The following ADARB1 variants were observed in gnomAD, a reference collection of about 807,000 sequenced individuals.
ADARB1 encodes the protein double-stranded RNA-specific editase 1.
ADARB1 carries 10 observed loss-of-function variants against 52.4 expected under a neutral mutation model. That is an observed-to-expected ratio of 0.19 (90% CI 0.12 to 0.32). ADARB1 has a LOEUF of 0.32. Ranked by LOEUF, ADARB1 falls within the 10% of genes least tolerant of loss-of-function variation. ADARB1 has a pLI of 1.00. For missense variants in ADARB1, 643 were observed against 922.3 expected (o/e 0.70, Z 3.92); for synonymous variants, 349 against 371.1 (o/e 0.94, Z 0.68).
intron 2 of ADARB1, chr21:45,145,598 C>T (rs2089967290): frequency 6.6e-6 from 1 of 152,230 alleles, no homozygotes; most frequent in Non-Finnish European, 1.5e-5. Flanking sequence ...AATGCCAAAG[C>T]ATTAGGAATA....
chr21:45,225,635 C>A lies in ADARB1; in HGVS notation c.*3438C>A. On this transcript the variant is annotated 3_prime_UTR_variant, in exon 11 of 11. Coordinates refer to ENST00000348831, the MANE Select transcript of ADARB1 (RefSeq NM_001112.4). ...AAGCTGTGGAGACTGCACATCCGGA[C>A]CTGCCCATGTCTCAAAACAAACACA... 1.7e-6 allele frequency: 2 copies of A among 1,200,894 alleles called. No individual in the cohort carries two copies. Among genetic ancestry groups the A allele is most frequent in the Non-Finnish European group, 2.2e-6 (2 of 919,754 alleles). The allele number at this position is 1,200,894 out of a possible 1,614,324, so 74.4% of individuals were successfully genotyped here.
intron 2 of ADARB1, among the ~76,000 whole-genome samples, chr21:45,143,022 C>G (rs1387728136): frequency 6.6e-6 from 1 of 152,222 alleles, no homozygotes; most frequent in African/African-American, 2.4e-5. Flanking sequence ...CAGCCTGCTG[C>G]TCTGAAACCT....
At chr21:45,085,361 T>G (rs1267721952) in intron 1 of ADARB1, among the ~76,000 whole-genome samples, 1 of 152,060 alleles carries the variant, frequency 6.6e-6, no homozygotes. Context: ...GGAAAACACT[T>G]ACTACTTAGT....
intron 2 of ADARB1, among the ~76,000 whole-genome samples, chr21:45,165,799 C>T (rs955025166): frequency 2.6e-5 from 4 of 151,082 alleles, no homozygotes; most frequent in East Asian, 1.9e-4. Flanking sequence ...AGAATGAACA[C>T]GAATAATCTC....
At chr21:45,217,257 C>T (rs192524259) in intron 9 of ADARB1, among the ~76,000 whole-genome samples, 11 of 152,026 alleles carry the variant, frequency 7.2e-5, no homozygotes, top group African/African-American at 1.9e-4. Context: ...TTATTTTCTA[C>T]GTGTTTCATA....
chr21:45,185,129 C>T lies in ADARB1; in HGVS notation c.1565+38C>T, dbSNP rs762836490. The T allele has an allele frequency of 2.5e-6, 4 of 1,603,930 alleles. No homozygotes were observed. The East Asian group carries it at 6.7e-5, about 27-fold the overall frequency. The stretch of plus-strand genomic sequence containing the variant: ...GGCTCCCTGTGGCCACCTCCCTGCA[C>T]ACAGGATTCATCCATACTGTTTGCC... On this transcript the variant is annotated intron_variant, in intron 8 of 10. Transcript: ENST00000348831.
At chr21:45,121,488 A>C (rs542604026) in intron 1 of ADARB1, among the ~76,000 whole-genome samples, 1 of 151,932 alleles carries the variant, frequency 6.6e-6, no homozygotes, top group Admixed American at 6.6e-5. Context: ...CTCCCGCATC[A>C]TTTCTCTGTG....
At chr21:45,095,357 C>G (rs888675920) in intron 1 of ADARB1, among the ~76,000 whole-genome samples, 8 of 152,260 alleles carry the variant, frequency 5.3e-5, no homozygotes, top group Admixed American at 4.6e-4. Context: ...GGATCCCCTC[C>G]CCAGGCTCCT....
At chr21:45,186,846 T>C (rs1472041156) in intron 8 of ADARB1, among the ~76,000 whole-genome samples, 2 of 152,210 alleles carry the variant, frequency 1.3e-5, no homozygotes, top group Non-Finnish European at 2.9e-5. Flanking sequence ...TTTGAACATA[T>C]ACACAAGGGT....
At chr21:45,090,328 GTC>G (rs2086512052) in intron 1 of ADARB1, among the ~76,000 whole-genome samples, 1 of 151,968 alleles carries the variant, frequency 6.6e-6, no homozygotes, top group South Asian at 2.1e-4. Flanking sequence ...TTCAAAATGA[GTC>G]TCTCCCCAGC....
intron 1 of ADARB1, among the ~76,000 whole-genome samples, chr21:45,104,102 A>G (rs1387858781): frequency 1.3e-5 from 2 of 152,134 alleles, no homozygotes; most frequent in Non-Finnish European, 2.9e-5. Flanking sequence ...TAGCTCGTAT[A>G]CTTTTTCACA....
chr21:45,109,241 GTGCGCGCGTGTGCGTATGTGTGTGCAC>G (rs1282256178), intron 1 of ADARB1, among the ~76,000 whole-genome samples: 20 of 138,706 alleles, frequency 1.4e-4, no homozygotes, highest in African/African-American at 4.1e-4. Flanking sequence ...GTATATGTGT[GTGCGCGCGTGTGCGTATGTGTGTGCAC>G]TGCGCGCGTG....
rs993876489 is a variant in ADARB1 at position 45,204,132 on chromosome 21, T to C, written c.1566-423T>C. 2.4e-4 allele frequency among the ~76,000 whole-genome samples: 37 copies of C among 152,324 alleles called. 1 individual carries two copies. Among genetic ancestry groups the C allele is most frequent in the Middle Eastern group, 3.4e-3 (1 of 294 alleles). ...CCACACTCCTCAGAACGGCATACAGTTGAAAGTCTGGAAGTGTTTATTTCT... is the reference window on the plus strand; with the variant it reads ...CCACACTCCTCAGAACGGCATACAGCTGAAAGTCTGGAAGTGTTTATTTCT... On this transcript the variant is annotated intron_variant, in intron 8 of 10. Coordinates refer to ENST00000348831, the MANE Select transcript of ADARB1 (RefSeq NM_001112.4). This position sits in a 1 kb window ranked among gnomAD's most constrained non-coding sequence, Gnocchi z 4.4.
chr21:45,124,104 T>A (rs2088393283), intron 1 of ADARB1, among the ~76,000 whole-genome samples: 1 of 152,210 alleles, frequency 6.6e-6, no homozygotes, highest in Non-Finnish European at 1.5e-5. Context: ...ATGTTTGCAT[T>A]CCCATCATAA....
intron 9 of ADARB1, among the ~76,000 whole-genome samples, chr21:45,219,175 A>T (rs956997886): frequency 6.6e-6 from 1 of 152,226 alleles, no homozygotes; most frequent in African/African-American, 2.4e-5. Flanking sequence ...CATAAGCTCC[A>T]TCAAATTCAA....
chr21:45,225,230 A>T lies in ADARB1; in HGVS notation c.*3033A>T. On this transcript the variant is annotated 3_prime_UTR_variant, in exon 11 of 11. Coordinates refer to ENST00000348831, the MANE Select transcript of ADARB1 (RefSeq NM_001112.4). ...GTGTTCTGTGCCATGAGGCAGCGAC[A>T]GGTCCAGATGGATGTCGTCACCACC... 1 of 1,102,330 alleles carries T rather than the reference A, an allele frequency of 9.1e-7. No individual in the cohort carries two copies. The allele number at this position is 1,102,330 out of a possible 1,614,324, so 68.3% of individuals were successfully genotyped here.
intron 2 of ADARB1, among the ~76,000 whole-genome samples, chr21:45,151,712 C>T (rs1183120513): frequency 2.0e-5 from 3 of 152,176 alleles, no homozygotes. Flanking sequence ...TTTGCCAGCC[C>T]TGAATGCTGG....
chr21:45,122,752 C>T (rs976208051), intron 1 of ADARB1, among the ~76,000 whole-genome samples: 10 of 152,246 alleles, frequency 6.6e-5, no homozygotes, highest in Non-Finnish European at 1.5e-4. Flanking sequence ...GAAAACGGCA[C>T]AGGTTGAAAC....
intron 2 of ADARB1, among the ~76,000 whole-genome samples, chr21:45,150,113 G>A (rs1360747006): frequency 6.6e-6 from 1 of 152,178 alleles, no homozygotes; most frequent in Admixed American, 6.5e-5. Context: ...GTGAAACCCC[G>A]TCTCTACTAA....
Sources: gnomAD v4.1 joint callset for allele counts (sites outside exome capture counted in the v4.1 genomes callset) on GRCh38, gnomAD v4.1.1 for gene constraint, Gnocchi (gnomAD v3.1) non-coding constraint, MANE v1.5 for transcripts, NCBI Gene and HGNC (gene_info 2026-07-23, HGNC 2026-07-21) for gene names.